The following FHAD1 variants were observed in gnomAD, a reference collection of about 807,000 sequenced individuals.
FHAD1 encodes forkhead-associated domain-containing protein 1.
A neutral mutation model predicts 191.3 loss-of-function variants in FHAD1; 146 were observed. That is an observed-to-expected ratio of 0.76 (90% CI 0.67 to 0.88). The LOEUF (loss-of-function observed/expected upper bound fraction) is 0.88. Ranked by LOEUF, FHAD1 falls within the 40% of genes least tolerant of loss-of-function variation. The pLI, the probability that FHAD1 is intolerant of heterozygous loss-of-function variation, is 0.00. For synonymous variants in FHAD1, 616 were observed against 672.3 expected, an observed-to-expected ratio of 0.92 and a Z score of 1.29; for missense variants, 1,635 against 1,785.8, an observed-to-expected ratio of 0.92 and a Z score of 1.52.
intron 22 of FHAD1, 28 bp from the exon 23 acceptor site, chr1:15,362,614 A>G (rs1207704351): frequency 2.0e-6 from 3 of 1,531,248 alleles, no homozygotes; most frequent in Non-Finnish European, 2.7e-6. Flanking sequence ...GTTTCCTCTC[A>G]CAATGATCAC....
intron 7 of FHAD1, among the ~76,000 whole-genome samples, chr1:15,308,957 T>G (rs1368397045): frequency 2.0e-5 from 3 of 152,158 alleles, no homozygotes; most frequent in African/African-American, 7.2e-5. Flanking sequence ...TGGTTTGGAG[T>G]GAGCCCTTGA....
chr1:15,314,648 G>GTGT (rs1428257783), intron 8 of FHAD1: 2 of 88 alleles, frequency 0.023, no homozygotes, highest in Admixed American at 0.25. Flanking sequence ...GGTGTGTGGG[G>GTGT]GTATGGATGT....
At chr1:15,255,293 A>G (rs928611000) in intron 2 of FHAD1, among the ~76,000 whole-genome samples, 8 of 152,230 alleles carry the variant, frequency 5.3e-5, no homozygotes, top group African/African-American at 1.9e-4. Context: ...TTCTGACATC[A>G]TTCACATATT....
chr1:15,314,678 G>GTA (rs1673563514), intron 8 of FHAD1: 1 of 158 alleles, frequency 6.3e-3, no homozygotes, highest in Non-Finnish European at 0.01. Context: ...GGGTGAATGG[G>GTA]TGTGTGGGGA....
chr1:15,372,660 A>G (rs1366634784), intron 26 of FHAD1, among the ~76,000 whole-genome samples: 1 of 152,220 alleles, frequency 6.6e-6, no homozygotes, highest in Non-Finnish European at 1.5e-5. Context: ...CATACTACAT[A>G]TATATTATCT....
At chr1:15,277,962 C>G (rs774848283) in intron 3 of FHAD1, among the ~76,000 whole-genome samples, 1 of 152,104 alleles carries the variant, frequency 6.6e-6, no homozygotes, top group Non-Finnish European at 1.5e-5. Flanking sequence ...GTTGTCATCT[C>G]CATTTTACAG....
chr1:15,272,440 A>G lies in FHAD1; in HGVS notation c.211A>G (p.Asn71Asp), dbSNP rs1310983868. ...GTFVNECHIQ[N>D]VAVKLIPGDI... The stretch of plus-strand genomic sequence containing the variant: ...GTTTGTCAACGAGTGCCACATTCAA[A>G]ACGTGGCTGTGAAGCTCATCCCTGG... Residue 71 changes from asparagine (N) to aspartate (D), a missense_variant, in exon 3 of 34, where the codon AAC becomes GAC. By Grantham distance (23) the Asn-to-Asp change is conservative (BLOSUM62 1). Coordinates refer to ENST00000688493, the MANE Select transcript of FHAD1 (RefSeq NM_001391957.1). 1 of 1,551,580 alleles carries G rather than the reference A, an allele frequency of 6.4e-7. No individual in the cohort carries two copies. Among genetic ancestry groups the G allele is most frequent in the East Asian group, 2.4e-5 (1 of 40,916 alleles).
chr1:15,268,971 A>G (rs576400078), intron 2 of FHAD1, among the ~76,000 whole-genome samples: 45 of 152,258 alleles, frequency 3.0e-4, no homozygotes, highest in Admixed American at 5.2e-4. Context: ...TATTTATTAT[A>G]GAATATAAAT....
chr1:15,263,436 C>T (rs1412732840), intron 2 of FHAD1, among the ~76,000 whole-genome samples: 1 of 146,470 alleles, frequency 6.8e-6, no homozygotes, highest in Non-Finnish European at 1.5e-5. Flanking sequence ...ATAGTGTTAG[C>T]TCTTATGTTT....
At chr1:15,374,946 C>T (rs1030057910) in intron 27 of FHAD1, among the ~76,000 whole-genome samples, 8 of 151,332 alleles carry the variant, frequency 5.3e-5, no homozygotes, top group African/African-American at 1.9e-4. Context: ...GCAACCTCCG[C>T]CTCCCAGGTT....
chr1:15,361,613 G>A (rs1694839275), intron 22 of FHAD1, among the ~76,000 whole-genome samples: 1 of 152,066 alleles, frequency 6.6e-6, no homozygotes, highest in South Asian at 2.1e-4. Context: ...CAAAATTATT[G>A]CCCTGACAGG....
At chr1:15,242,098 T>TA (rs1234838141) in intron 1 of FHAD1, among the ~76,000 whole-genome samples, 2 of 151,794 alleles carry the variant, frequency 1.3e-5, no homozygotes, top group Non-Finnish European at 2.9e-5. Context: ...CCGGGCATGG[T>TA]GGCGTGTGGC....
intron 22 of FHAD1, among the ~76,000 whole-genome samples, chr1:15,361,726 G>C (rs1694866410): frequency 6.9e-6 from 1 of 144,766 alleles, no homozygotes; most frequent in Admixed American, 6.8e-5. Flanking sequence ...TTGAGCTGGG[G>C]GCCAGGTCAG....
chr1:15,367,341 C>G lies in FHAD1; in HGVS notation c.3155-122C>G, dbSNP rs1003187034. 7.8e-6 allele frequency: 9 copies of G among 1,151,000 alleles called. No homozygotes were observed. The African/African-American group carries it at 1.3e-4, about 16-fold the overall frequency. 71.3% of individuals were successfully genotyped at this position (1,151,000 alleles called of 1,614,324 possible). A position where few individuals can be genotyped will look rare whatever the true frequency, so the allele number is the denominator to read the frequency against. ...TGAAACCCTGTCTCTACTAAAAATA[C>G]AAAAATTAGCCAGTCGTGGTGGCGC... On this transcript the variant is annotated intron_variant, in intron 24 of 33. Transcript: ENST00000688493.
chr1:15,243,848 T>C (rs922849657), upstream of FHAD1, among the ~76,000 whole-genome samples: 2 of 152,228 alleles, frequency 1.3e-5, no homozygotes, highest in African/African-American at 4.8e-5. Context: ...AGCTGTCACC[T>C]GTAGTTCCCC....
chr1:15,237,783 T>G (rs1408740424), intron 1 of FHAD1, among the ~76,000 whole-genome samples: 1 of 118,364 alleles, frequency 8.4e-6, no homozygotes. Context: ...AAAGAGAGAG[T>G]CTGTGTTGAG....
intron 16 of FHAD1, among the ~76,000 whole-genome samples, chr1:15,344,594 G>A (rs188418017): frequency 6.6e-6 from 1 of 152,332 alleles, no homozygotes; most frequent in East Asian, 1.9e-4. Flanking sequence ...GATTTGGTCT[G>A]TAAGCCATAG....
rs1232906127 is a variant in FHAD1, at chr1:15,289,923, C to A, written c.568+257C>A. Among the ~76,000 whole-genome samples the A allele has an allele frequency of 6.6e-6, 1 of 152,180 alleles. No homozygotes were observed. The highest frequency in any genetic ancestry group is 6.6e-5 in the Admixed American group (1 of 15,266). On this transcript the variant is annotated intron_variant, in intron 4 of 33. Coordinates refer to ENST00000688493, the MANE Select transcript of FHAD1 (RefSeq NM_001391957.1). The surrounding 1 kb of genome is among the most constrained non-coding windows in gnomAD (Gnocchi z 4.2). ...GTGTCCGTATACACACACCAGGGCA[C>A]CTGCAGTGGGTGTGGCCTCTGTGTG...
At chr1:15,371,530 C>T (rs535691227) in intron 26 of FHAD1, among the ~76,000 whole-genome samples, 4 of 152,244 alleles carry the variant, frequency 2.6e-5, no homozygotes, top group East Asian at 1.9e-4. Context: ...CCAGCAGATC[C>T]GCAAGGAGGG....
Sources: gnomAD v4.1 joint callset for allele counts (sites outside exome capture counted in the v4.1 genomes callset) on GRCh38, gnomAD v4.1.1 for gene constraint, Gnocchi (gnomAD v3.1) non-coding constraint, MANE v1.5 for transcripts, NCBI Gene and HGNC (gene_info 2026-07-23, HGNC 2026-07-21) for gene names.